The following PABPC4L variants were observed in gnomAD, a reference collection of about 807,000 sequenced individuals.
PABPC4L encodes poly(A) binding protein cytoplasmic 4 like.
For missense variants in PABPC4L, 452 were observed against 451.4 expected (o/e 1.00, Z -0.01); for synonymous variants, 169 against 164.1 (o/e 1.03, Z -0.23).
chr4:134,101,578 T>C, the PABPC4L span, among the ~76,000 whole-genome samples: 1 of 151,436 alleles, frequency 6.6e-6, no homozygotes, highest in Admixed American at 6.6e-5. Flanking sequence ...CAAAGAAACC[T>C]CTCATGAAGC....
chr4:133,989,496 G>A, the PABPC4L span, among the ~76,000 whole-genome samples: 3 of 152,138 alleles, frequency 2.0e-5, no homozygotes, highest in African/African-American at 4.8e-5. Context: ...ATCTGAGACC[G>A]TATCAGCCTG....
At chr4:134,078,474 C>T in the PABPC4L span, among the ~76,000 whole-genome samples, 4 of 151,948 alleles carry the variant, frequency 2.6e-5, no homozygotes, top group Admixed American at 1.3e-4. Flanking sequence ...AAACAAAAAA[C>T]GAAAGAAAGA....
At chr4:134,113,579 G>A in the PABPC4L span, among the ~76,000 whole-genome samples, 1 of 151,862 alleles carries the variant, frequency 6.6e-6, no homozygotes. Context: ...TCACAAGGAT[G>A]AAATTGCCTA....
At chr4:133,948,525 G>T in the PABPC4L span, among the ~76,000 whole-genome samples, 1 of 152,200 alleles carries the variant, frequency 6.6e-6, no homozygotes, top group East Asian at 1.9e-4. Context: ...TATGTCCCCT[G>T]CCTAGAGAGG....
chr4:134,069,914 G>A, the PABPC4L span, among the ~76,000 whole-genome samples: 5 of 148,882 alleles, frequency 3.4e-5, no homozygotes, highest in Non-Finnish European at 4.4e-5. Flanking sequence ...AGTGGCCAGA[G>A]TTCTAGCATT....
At chr4:134,050,274 A>G in the PABPC4L span, among the ~76,000 whole-genome samples, 2 of 152,210 alleles carry the variant, frequency 1.3e-5, no homozygotes, top group African/African-American at 4.8e-5. Context: ...ATACGTATTG[A>G]ACAACTTGAC....
the PABPC4L span, among the ~76,000 whole-genome samples, chr4:134,111,409 A>G: frequency 6.6e-6 from 1 of 152,122 alleles, no homozygotes; most frequent in Non-Finnish European, 1.5e-5. Context: ...AAATATAGAT[A>G]TAGATGATAT....
chr4:134,200,361 T>G lies in PABPC4L; in HGVS notation c.659A>C (p.Lys220Thr). 1 of 1,591,466 alleles carries G rather than the reference T, an allele frequency of 6.3e-7. No individual in the cohort carries two copies. Among genetic ancestry groups the G allele is most frequent in the Middle Eastern group, 1.7e-4 (1 of 6,048 alleles). Residue 220 changes from lysine (K) to threonine (T), a missense_variant, in exon 2 of 2, where the codon AAG becomes ACG. Lys to Thr is a moderately conservative substitution (Grantham distance 78). Transcript: ENST00000421491. ...TTTCCCACTGGAATCTGTCATCACCTTAACACTCAGAGTTTTGCCATATTT... is the reference window on the plus strand; with the variant it reads ...TTTCCCACTGGAATCTGTCATCACCGTAACACTCAGAGTTTTGCCATATTT... ...FSKYGKTLSVKVMTDSSGKSK... is the reference protein window; with the variant it reads ...FSKYGKTLSVTVMTDSSGKSK...
chr4:133,949,690 A>C, the PABPC4L span, among the ~76,000 whole-genome samples: 1 of 151,996 alleles, frequency 6.6e-6, no homozygotes, highest in Non-Finnish European at 1.5e-5. Flanking sequence ...GGACCTTCCC[A>C]GTTTGGGTGG....
At chr4:134,145,614 A>G in the PABPC4L span, among the ~76,000 whole-genome samples, 1 of 151,908 alleles carries the variant, frequency 6.6e-6, no homozygotes, top group Non-Finnish European at 1.5e-5. Context: ...TTATGCTAAT[A>G]ATCAGAGAGG....
chr4:133,966,357 G>A, the PABPC4L span, among the ~76,000 whole-genome samples: 1 of 152,096 alleles, frequency 6.6e-6, no homozygotes, highest in African/African-American at 2.4e-5. Context: ...ACTGTTCATG[G>A]GAATGTAAGC....
At chr4:134,022,097 CT>C in the PABPC4L span, among the ~76,000 whole-genome samples, 5 of 152,088 alleles carry the variant, frequency 3.3e-5, no homozygotes, top group African/African-American at 9.7e-5. Context: ...CCATCAGTTA[CT>C]TTTGATAGGT....
the PABPC4L span, among the ~76,000 whole-genome samples, chr4:134,072,071 A>G: frequency 1.3e-5 from 2 of 152,162 alleles, no homozygotes; most frequent in Non-Finnish European, 2.9e-5. Context: ...AGGGCCTGCA[A>G]AATTAGGATG....
the PABPC4L span, among the ~76,000 whole-genome samples, chr4:133,983,666 C>G: frequency 6.6e-6 from 1 of 151,788 alleles, no homozygotes; most frequent in Admixed American, 6.6e-5. Flanking sequence ...TTTATTCTTT[C>G]AGATTACTAA....
downstream of PABPC4L, among the ~76,000 whole-genome samples, chr4:134,191,986 G>T (rs1467324364): frequency 6.6e-6 from 1 of 152,054 alleles, no homozygotes; most frequent in Non-Finnish European, 1.5e-5. Flanking sequence ...GAATAAAATT[G>T]ATAATGACAA....
At chr4:134,151,753 A>G in the PABPC4L span, among the ~76,000 whole-genome samples, 1 of 151,954 alleles carries the variant, frequency 6.6e-6, no homozygotes, top group Non-Finnish European at 1.5e-5. Context: ...TCTAGAATAT[A>G]ATATATGTTA....
At chr4:134,068,798 T>G in the PABPC4L span, among the ~76,000 whole-genome samples, 1 of 151,716 alleles carries the variant, frequency 6.6e-6, no homozygotes, top group Non-Finnish European at 1.5e-5. Context: ...AACCTCCACC[T>G]CCTGGGTTCA....
downstream of PABPC4L, among the ~76,000 whole-genome samples, chr4:134,194,760 A>G (rs1578879411): frequency 6.6e-6 from 1 of 151,898 alleles, no homozygotes; most frequent in East Asian, 1.9e-4. Context: ...TGACAGTTTT[A>G]AAAGAGTTGA....
the PABPC4L span, among the ~76,000 whole-genome samples, chr4:134,141,708 T>G: frequency 2.0e-5 from 3 of 151,652 alleles, no homozygotes; most frequent in Non-Finnish European, 4.4e-5. Context: ...CACTTTTATC[T>G]TTTCTATATT....
Sources: allele counts gnomAD v4.1 joint callset (sites outside exome capture counted in the v4.1 genomes callset), GRCh38; gene constraint gnomAD v4.1.1; transcripts MANE v1.5; gene names NCBI Gene and HGNC (gene_info 2026-07-23, HGNC 2026-07-21).